FILIP1: variants seen among roughly 807,000 people sequenced by gnomAD.
FILIP1 encodes filamin A interacting protein 1.
Under a neutral mutation model 102.1 loss-of-function variants are expected in FILIP1, and 61 were observed. The observed-to-expected ratio is 0.60, with a 90% CI of 0.49 to 0.74. The LOEUF is 0.74. FILIP1 is among the 30% of genes least tolerant of loss of function. The pLI, the probability that FILIP1 is intolerant of heterozygous loss-of-function variation, is 0.00. For synonymous variants in FILIP1, 491 were observed against 526.9 expected (o/e 0.93, Z 0.93); for missense variants, 1,314 against 1,441.2 (o/e 0.91, Z 1.43).
At chr6:75,435,251 C>G (rs1486010090) in intron 1 of FILIP1, among the ~76,000 whole-genome samples, 1 of 152,074 alleles carries the variant, frequency 6.6e-6, no homozygotes, top group Admixed American at 6.5e-5. Flanking sequence ...CGAAAAAGTA[C>G]TCTGTATTCT....
At chr6:75,415,590 A>C (rs965456031) in intron 1 of FILIP1, among the ~76,000 whole-genome samples, 2 of 150,294 alleles carry the variant, frequency 1.3e-5, no homozygotes, top group African/African-American at 4.9e-5. Flanking sequence ...TGGACAGAGG[A>C]AAAGGGAAAA....
At chr6:75,487,390 A>G (rs774154883) in intron 1 of FILIP1, among the ~76,000 whole-genome samples, 1 of 152,150 alleles carries the variant, frequency 6.6e-6, no homozygotes, top group Non-Finnish European at 1.5e-5. Context: ...TGCCACACTG[A>G]AATAGCATTA....
chr6:75,428,382 C>T (rs1005338271), intron 1 of FILIP1: 1 of 153,738 alleles, frequency 6.5e-6, no homozygotes, highest in Non-Finnish European at 1.5e-5. Flanking sequence ...TTCAGTGTAC[C>T]TCAGAATCCC....
rs563935440 is a variant in FILIP1 at position 75,312,685 on chromosome 6, T to C, written c.3147A>G (p.Pro1049=). The C allele has an allele frequency of 6.2e-7, 1 of 1,614,236 alleles. No homozygotes were observed. ...TGGCATTGGAGTTGTATTTCCGTAC[T>C]GGAGTTGGAACAGTCTGTTTTTCTG... is the stretch of plus-strand genomic sequence containing the variant. The part of the protein sequence containing the change: ...VTPEKQTVPT[P]VRKYNSNANI... The change falls in exon 5 of 6, where the codon CCA becomes CCG. Residue 1049 remains proline (P), a synonymous_variant. Coordinates refer to ENST00000237172, the MANE Select transcript of FILIP1 (RefSeq NM_015687.5).
intron 1 of FILIP1, among the ~76,000 whole-genome samples, chr6:75,457,340 G>A (rs765320047): frequency 5.2e-4 from 79 of 152,280 alleles, no homozygotes; most frequent in Non-Finnish European, 9.1e-4. Flanking sequence ...CTTCTTTATA[G>A]AACTGCTCTT....
chr6:75,315,839 G>A (rs1773426399), intron 4 of FILIP1, among the ~76,000 whole-genome samples: 1 of 152,100 alleles, frequency 6.6e-6, no homozygotes, highest in African/African-American at 2.4e-5. Context: ...TTTAAATGAT[G>A]GTAAAGGTTC....
chr6:75,401,017 A>T (rs542192317), intron 2 of FILIP1, among the ~76,000 whole-genome samples: 188 of 101,980 alleles, frequency 1.8e-3, no homozygotes, highest in African/African-American at 5.4e-3. Flanking sequence ...TGTCCTTTTT[A>T]AAAAAAAAAA....
intron 2 of FILIP1, among the ~76,000 whole-genome samples, chr6:75,380,306 A>AC (rs201232359): frequency 0.053 from 8,080 of 152,142 alleles, 295 homozygotes; most frequent in Non-Finnish European, 0.076. Flanking sequence ...AAGAACCCTA[A>AC]AGCTCAAAAG....
chr6:75,296,475 T>TTGTTTATTA (rs1772680390), intron 6 of FILIP1: 3 of 140,396 alleles, frequency 2.1e-5, no homozygotes, highest in African/African-American at 5.3e-5. Context: ...ACTCTATATG[T>TTGTTTATTA]TTATTATTAT....
At position 75,372,722 on chromosome 6, in the gene FILIP1, GAGAAAGAGAAAGAAAGAA is replaced by G. The variant is rs1356789752; in HGVS notation, c.277-9823_277-9806del. Among the ~76,000 whole-genome samples the G allele has an allele frequency of 1.3e-3, 85 of 65,916 alleles. 7 individuals carry two copies. Among genetic ancestry groups the G allele is most frequent in the African/African-American group, 5.5e-3 (76 of 13,720 alleles). The allele number at this position is 65,916 out of a possible 152,430, so 43.2% of individuals were successfully genotyped here. A position where few individuals can be genotyped will look rare whatever the true frequency, so the allele number is the denominator to read the frequency against. ...GAAAGAAAGAAAGAAAGGAAAGAAA[GAGAAAGAGAAAGAAAGAA>G]AGAAAGAAAGAAAGAAAGAAAGAAA... On this transcript the variant is annotated intron_variant, in intron 2 of 5. Transcript: ENST00000237172.
chr6:75,318,429 C>T (rs918768587), intron 4 of FILIP1, among the ~76,000 whole-genome samples: 3 of 151,720 alleles, frequency 2.0e-5, no homozygotes, highest in Non-Finnish European at 4.4e-5. Context: ...GAGACAGAGT[C>T]GCCCCGATGT....
chr6:75,391,579 T>C (rs1013108891), intron 2 of FILIP1, among the ~76,000 whole-genome samples: 18 of 152,154 alleles, frequency 1.2e-4, no homozygotes, highest in African/African-American at 4.3e-4. Context: ...CCCCTATCAC[T>C]AGAAGTAAAC....
At chr6:75,321,240 G>A (rs1454217566) in intron 4 of FILIP1, among the ~76,000 whole-genome samples, 1 of 151,026 alleles carries the variant, frequency 6.6e-6, no homozygotes, top group Non-Finnish European at 1.5e-5. Flanking sequence ...TTTGTTTTTT[G>A]TTTTGTTTTT....
chr6:75,397,492 G>GTGTA (rs1776501955), intron 2 of FILIP1, among the ~76,000 whole-genome samples: 1 of 146,008 alleles, frequency 6.8e-6, no homozygotes, highest in Non-Finnish European at 1.5e-5. Flanking sequence ...ATATATATGT[G>GTGTA]TATATATATA....
chr6:75,432,095 C>G (rs530488997), intron 1 of FILIP1, among the ~76,000 whole-genome samples: 1 of 152,306 alleles, frequency 6.6e-6, no homozygotes, highest in Admixed American at 6.5e-5. Flanking sequence ...TACACTGTTT[C>G]AGTTTTACCA....
rs781346431 is a variant in FILIP1 at position 75,415,001 on chromosome 6, G to T, written c.-6-23C>A. 3.1e-6 allele frequency: 5 copies of T among 1,591,566 alleles called. No homozygotes were observed. In the African/African-American group the frequency reaches 6.8e-5, roughly 22 times the overall value. Reference sequence around the variant, plus strand: ...CACCTACAACACATACATAAAAAAAGATAAGATGTTCTTTACCACCATCAA... The same window carrying T: ...CACCTACAACACATACATAAAAAAATATAAGATGTTCTTTACCACCATCAA... On this transcript the variant is annotated intron_variant, in intron 1 of 5. Coordinates refer to ENST00000237172, the MANE Select transcript of FILIP1 (RefSeq NM_015687.5).
chr6:75,362,820 C>T lies in FILIP1; in HGVS notation c.374G>A (p.Arg125Gln), dbSNP rs373336897. ...AAGAATGGCATCTCGGTGCAGGACC[C>T]GCAGCACTTTCTCTGGCTCCGCAGA... Reference protein sequence around the residue: ...YGSAEPEKVLRVLHRDAILAQ... With the variant: ...YGSAEPEKVLQVLHRDAILAQ... The change falls in exon 3 of 6, where the codon CGG becomes CAG. Residue 125 changes from arginine (R) to glutamine (Q), a missense_variant. Coordinates refer to ENST00000237172, the MANE Select transcript of FILIP1 (RefSeq NM_015687.5). 5.6e-6 allele frequency: 9 copies of T among 1,613,622 alleles called. No individual in the cohort carries two copies. The highest frequency in any genetic ancestry group is 4.5e-5 in the East Asian group (2 of 44,874).
chr6:75,386,816 C>T (rs1776109037), intron 2 of FILIP1, among the ~76,000 whole-genome samples: 1 of 152,180 alleles, frequency 6.6e-6, no homozygotes, highest in Non-Finnish European at 1.5e-5. Flanking sequence ...ACCCTCCAAA[C>T]TCAAATCTGT....
intron 4 of FILIP1, among the ~76,000 whole-genome samples, chr6:75,330,175 A>G (rs1396332705): frequency 6.6e-6 from 1 of 152,144 alleles, no homozygotes; most frequent in Non-Finnish European, 1.5e-5. Context: ...AAAATATAGT[A>G]TATCTTGATT....
Sources: allele counts gnomAD v4.1 joint callset (sites outside exome capture counted in the v4.1 genomes callset), GRCh38; gene constraint gnomAD v4.1.1; transcripts MANE v1.5; gene names NCBI Gene and HGNC (gene_info 2026-07-23, HGNC 2026-07-21).